The following SH3RF3 variants were observed in gnomAD, a reference collection of about 807,000 sequenced individuals.
SH3RF3 encodes SH3 domain containing ring finger 3.
In SH3RF3, 29 loss-of-function variants were observed where a neutral mutation model predicts 66.3. The ratio of observed to expected loss-of-function variants is 0.44; its 90% CI spans 0.33 to 0.60. The LOEUF is 0.60. SH3RF3 is among the 20% of genes least tolerant of loss of function. The probability of loss-of-function intolerance (pLI) is 0.04; values close to 1 mark genes in which losing one functional copy is unlikely to be tolerated. For synonymous variants in SH3RF3, 583 were observed against 532.0 expected (o/e 1.10, Z -1.32); for missense variants, 1,194 against 1,190.9 (o/e 1.00, Z -0.04).
At chr2:109,216,508 C>T (rs995695814) in intron 1 of SH3RF3, among the ~76,000 whole-genome samples, 18 of 152,204 alleles carry the variant, frequency 1.2e-4, no homozygotes, top group Non-Finnish European at 1.8e-4. Flanking sequence ...CCCACCTGGC[C>T]GCAAAGCTTA....
Position 109,501,502 on chromosome 2 carries a change from G to A in SH3RF3, c.2481-1G>A. The A allele has an allele frequency of 1.3e-6, 1 of 776,682 alleles. No homozygotes were observed. Among genetic ancestry groups the A allele is most frequent in the Non-Finnish European group, 2.4e-6 (1 of 416,302 alleles). 48.1% of individuals were successfully genotyped at this position (776,682 alleles called of 1,614,324 possible). On this transcript the variant is annotated splice_acceptor_variant, in intron 9 of 9. Coordinates refer to ENST00000309415, the MANE Select transcript of SH3RF3 (RefSeq NM_001099289.3). LOFTEE classifies it high-confidence loss of function. ...GCTCACCCACTGTGCTGTTTCCCCAGGTACCGCGTGGTGGTCTCGTACCCA... is the reference window on the plus strand; with the variant it reads ...GCTCACCCACTGTGCTGTTTCCCCAAGTACCGCGTGGTGGTCTCGTACCCA...
intron 1 of SH3RF3, among the ~76,000 whole-genome samples, chr2:109,244,580 C>A (rs898415764): frequency 6.6e-6 from 1 of 152,122 alleles, no homozygotes; most frequent in Non-Finnish European, 1.5e-5. Context: ...CTAATAGTTG[C>A]TATAGGAATA....
At chr2:109,368,488 C>A (rs528169804) in intron 2 of SH3RF3, among the ~76,000 whole-genome samples, 1 of 151,878 alleles carries the variant, frequency 6.6e-6, no homozygotes, top group Admixed American at 6.6e-5. Context: ...CTGATTATTG[C>A]TGGTATATGA....
At chr2:109,342,553 C>T (rs73955547) in intron 1 of SH3RF3, among the ~76,000 whole-genome samples, 2,189 of 152,314 alleles carry the variant, frequency 0.014, 68 homozygotes, top group African/African-American at 0.049. Flanking sequence ...CACAGGGAGC[C>T]GGTGCTCCAC....
intron 1 of SH3RF3, among the ~76,000 whole-genome samples, chr2:109,334,496 G>A (rs72939582): frequency 0.018 from 2,728 of 152,198 alleles, 99 homozygotes; most frequent in African/African-American, 0.063. Context: ...CGCAATAAGG[G>A]CACAGACTGG....
chr2:109,228,794 G>A (rs1482478271), intron 1 of SH3RF3, among the ~76,000 whole-genome samples: 2 of 152,180 alleles, frequency 1.3e-5, no homozygotes, highest in Non-Finnish European at 2.9e-5. Context: ...CCCTCTCCAG[G>A]TGGGTGGATG....
At chr2:109,193,716 T>A (rs967860730) in intron 1 of SH3RF3, among the ~76,000 whole-genome samples, 8 of 152,206 alleles carry the variant, frequency 5.3e-5, no homozygotes, top group African/African-American at 1.9e-4. Flanking sequence ...GTATGTAGTA[T>A]ACATTCTGAC....
intron 3 of SH3RF3, among the ~76,000 whole-genome samples, chr2:109,391,427 C>T (rs1675991359): frequency 6.6e-6 from 1 of 152,206 alleles, no homozygotes; most frequent in Non-Finnish European, 1.5e-5. Context: ...GGGTGCGGGT[C>T]ACCCATGGGC....
chr2:109,423,290 A>G (rs1000106424), intron 5 of SH3RF3, among the ~76,000 whole-genome samples: 5 of 152,244 alleles, frequency 3.3e-5, no homozygotes, highest in South Asian at 4.2e-4. Flanking sequence ...GGGTCCCTGG[A>G]TCTGGTGGTT....
chr2:109,421,370 C>G (rs1354790426), intron 5 of SH3RF3, among the ~76,000 whole-genome samples: 1 of 152,204 alleles, frequency 6.6e-6, no homozygotes, highest in Non-Finnish European at 1.5e-5. Context: ...GAGCAAAGGC[C>G]TCCCCTTCCT....
At chr2:109,333,795 C>A (rs1238376290) in intron 1 of SH3RF3, among the ~76,000 whole-genome samples, 1 of 152,122 alleles carries the variant, frequency 6.6e-6, no homozygotes, top group African/African-American at 2.4e-5. Context: ...GACTTAGTTT[C>A]CTCCACTGTA....
intron 2 of SH3RF3, among the ~76,000 whole-genome samples, chr2:109,367,255 T>C (rs1220920627): frequency 1.3e-5 from 2 of 151,944 alleles, no homozygotes; most frequent in Non-Finnish European, 2.9e-5. Flanking sequence ...TGAGCCACTG[T>C]GCCCGTCTTG....
intron 8 of SH3RF3, among the ~76,000 whole-genome samples, chr2:109,453,177 C>G (rs1472298231): frequency 6.6e-6 from 1 of 152,156 alleles, no homozygotes; most frequent in Non-Finnish European, 1.5e-5. Context: ...GAGCTCCTCT[C>G]TGGGCCCAGG....
intron 4 of SH3RF3, among the ~76,000 whole-genome samples, chr2:109,410,883 A>AC (rs1676571655): frequency 6.6e-6 from 1 of 152,170 alleles, no homozygotes; most frequent in Non-Finnish European, 1.5e-5. Context: ...GATAGGATGA[A>AC]CATCTGTCTG....
At chr2:109,326,814 C>T (rs922752637) in intron 1 of SH3RF3, among the ~76,000 whole-genome samples, 9 of 152,160 alleles carry the variant, frequency 5.9e-5, no homozygotes, top group African/African-American at 1.4e-4. Context: ...CTTAGGGGGA[C>T]GCCTGTCTCA....
intron 1 of SH3RF3, among the ~76,000 whole-genome samples, chr2:109,257,089 G>C (rs949212487): frequency 6.6e-6 from 1 of 152,194 alleles, no homozygotes; most frequent in African/African-American, 2.4e-5. Flanking sequence ...TTCAGTGGCT[G>C]TGTCTAGGCA....
At chr2:109,243,746 C>T (rs982050433) in intron 1 of SH3RF3, among the ~76,000 whole-genome samples, 11 of 152,128 alleles carry the variant, frequency 7.2e-5, no homozygotes, top group African/African-American at 1.4e-4. Flanking sequence ...CAGAGAACCT[C>T]GGGGTGGCCC....
intron 5 of SH3RF3, among the ~76,000 whole-genome samples, chr2:109,421,664 G>T (rs1226087813): frequency 6.6e-6 from 1 of 152,200 alleles, no homozygotes; most frequent in African/African-American, 2.4e-5. Context: ...TTCTCCCCCA[G>T]GGGAGGGCAC....
chr2:109,409,694 C>T (rs1676537235), intron 4 of SH3RF3, among the ~76,000 whole-genome samples: 1 of 152,088 alleles, frequency 6.6e-6, no homozygotes, highest in Non-Finnish European at 1.5e-5. Flanking sequence ...CCACTGCCCT[C>T]CCCGAGAGGG....
Sources: gnomAD v4.1 joint callset for allele counts (sites outside exome capture counted in the v4.1 genomes callset) on GRCh38, gnomAD v4.1.1 for gene constraint, MANE v1.5 for transcripts, NCBI Gene and HGNC (gene_info 2026-07-23, HGNC 2026-07-21) for gene names.